The following FRK variants were observed in gnomAD, a reference collection of about 807,000 sequenced individuals.
The protein encoded by FRK is fyn related Src family tyrosine kinase.
A neutral mutation model predicts 56.4 loss-of-function variants in FRK; 51 were observed. The observed-to-expected ratio is 0.90, with a 90% CI of 0.72 to 1.14. The LOEUF (loss-of-function observed/expected upper bound fraction) is 1.14, where lower values mean the gene tolerates loss of function less well. FRK is among the 50% of genes most tolerant of loss of function. The probability of loss-of-function intolerance (pLI) is 0.00; values close to 1 mark genes in which losing one functional copy is unlikely to be tolerated. For missense variants in FRK, 570 were observed against 601.4 expected, an observed-to-expected ratio of 0.95 and a Z score of 0.55; for synonymous variants, 245 against 217.9, an observed-to-expected ratio of 1.12 and a Z score of -1.10.
chr6:116,089,040 G>C, the FRK span, among the ~76,000 whole-genome samples: 2 of 152,146 alleles, frequency 1.3e-5, no homozygotes, highest in East Asian at 3.9e-4. Context: ...TGAGGCAAAA[G>C]AGGAAAGGAC....
At chr6:115,962,062 A>G (rs893089782) in intron 4 of FRK, among the ~76,000 whole-genome samples, 3 of 142,388 alleles carry the variant, frequency 2.1e-5, no homozygotes, top group African/African-American at 8.1e-5. Flanking sequence ...CTTTAAATAT[A>G]AATGGAGTAA....
intron 2 of FRK, 90 bp from the exon 3 acceptor site, chr6:115,968,829 T>G: frequency 1.9e-6 from 2 of 1,066,312 alleles, no homozygotes; most frequent in Non-Finnish European, 2.8e-6. Flanking sequence ...ATGCATAAAA[T>G]GAAATCTATA....
chr6:116,075,191 C>G, the FRK span, among the ~76,000 whole-genome samples: 2 of 152,100 alleles, frequency 1.3e-5, no homozygotes, highest in African/African-American at 4.8e-5. Context: ...TGAACAGATT[C>G]TATGCTAGGT....
chr6:116,023,635 G>A (rs984219551), intron 1 of FRK, among the ~76,000 whole-genome samples: 2 of 152,152 alleles, frequency 1.3e-5, no homozygotes, highest in African/African-American at 4.8e-5. Flanking sequence ...TATCTGGAAA[G>A]GGATATGGAA....
At chr6:116,054,136 A>G (rs1777285343) in intron 1 of FRK, among the ~76,000 whole-genome samples, 1 of 151,670 alleles carries the variant, frequency 6.6e-6, no homozygotes. Context: ...CATAAACAGT[A>G]CAATTATATT....
intron 2 of FRK, among the ~76,000 whole-genome samples, chr6:115,991,926 T>G (rs1198578947): frequency 6.6e-6 from 1 of 151,636 alleles, no homozygotes; most frequent in Admixed American, 6.6e-5. Context: ...GGTGGTAGAT[T>G]TTTTTATTAC....
At chr6:116,041,677 C>A (rs554529905) in intron 1 of FRK, among the ~76,000 whole-genome samples, 1 of 152,230 alleles carries the variant, frequency 6.6e-6, no homozygotes. Context: ...CAAGGGAAGC[C>A]GTAAGGGACT....
At chr6:116,062,289 G>A (rs1777653883), upstream of FRK, among the ~76,000 whole-genome samples, 1 of 151,902 alleles carries the variant, frequency 6.6e-6, no homozygotes, top group African/African-American at 2.4e-5. Context: ...AAAATAGACT[G>A]TATATGTAAT....
chr6:115,982,167 T>C (rs1774221654), intron 2 of FRK, among the ~76,000 whole-genome samples: 1 of 152,130 alleles, frequency 6.6e-6, no homozygotes, highest in Non-Finnish European at 1.5e-5. Context: ...AAAGGTAGGA[T>C]GGGCAACTTC....
At chr6:115,958,551 C>T (rs983410907) in intron 4 of FRK, among the ~76,000 whole-genome samples, 1 of 150,914 alleles carries the variant, frequency 6.6e-6, no homozygotes, top group African/African-American at 2.4e-5. Flanking sequence ...TCACTTGAAC[C>T]CAGGAGGTGG....
At chr6:116,065,541 A>G (rs1286884008), upstream of FRK, among the ~76,000 whole-genome samples, 1 of 152,134 alleles carries the variant, frequency 6.6e-6, no homozygotes, top group African/African-American at 2.4e-5. Flanking sequence ...CCCTTTTCCT[A>G]CATTAACCAT....
At chr6:116,032,540 CAT>C (rs773850840) in intron 1 of FRK, among the ~76,000 whole-genome samples, 14 of 152,216 alleles carry the variant, frequency 9.2e-5, no homozygotes, top group South Asian at 8.3e-4. Flanking sequence ...CTTTAACAAA[CAT>C]GTGGTGTATT....
chr6:116,019,191 G>A (rs1775769574), intron 1 of FRK, among the ~76,000 whole-genome samples: 1 of 152,094 alleles, frequency 6.6e-6, no homozygotes, highest in Admixed American at 6.5e-5. Flanking sequence ...CATTACACAT[G>A]TAAGCTCAAG....
chr6:116,051,800 GT>G (rs1463669937), intron 1 of FRK, among the ~76,000 whole-genome samples: 1 of 152,054 alleles, frequency 6.6e-6, no homozygotes, highest in African/African-American at 2.4e-5. Flanking sequence ...GAGAAAACTA[GT>G]AAAAAGAAGA....
In FRK at chr6:115,968,749, A is replaced by AGTTTTAGTTTAT. The variant is rs1773690188; in HGVS notation, c.467-11_467-10insATAAACTAAAAC. 2 of 1,607,484 alleles carry AGTTTTAGTTTAT rather than the reference A, an allele frequency of 1.2e-6. No individual in the cohort carries two copies. The highest frequency in any genetic ancestry group is 1.7e-6 in the Non-Finnish European group (2 of 1,176,816). ...ACTGCTCCATCTAAAACTGGAACCC[A>AGTTTTAGTTTAT]AAATAATTCCTGTTAATAAACTTCT... On this transcript the variant is annotated splice_polypyrimidine_tract_variant and intron_variant, in intron 2 of 7. Transcript: ENST00000606080.
At chr6:116,008,849 C>T (rs148183308) in intron 1 of FRK, among the ~76,000 whole-genome samples, 15 of 152,224 alleles carry the variant, frequency 9.9e-5, no homozygotes, top group African/African-American at 2.9e-4. Flanking sequence ...GAGAGTCATA[C>T]GGATCAGTGA....
chr6:116,025,228 T>C (rs1776044199), intron 1 of FRK, among the ~76,000 whole-genome samples: 1 of 152,150 alleles, frequency 6.6e-6, no homozygotes, highest in Admixed American at 6.6e-5. Flanking sequence ...GGTGTAGACA[T>C]AGCCACACAT....
intron 1 of FRK, among the ~76,000 whole-genome samples, chr6:116,005,984 A>C (rs934210288): frequency 6.6e-5 from 10 of 152,206 alleles, no homozygotes; most frequent in East Asian, 5.8e-4. Flanking sequence ...ACAAAAACAA[A>C]AAGACATACA....
At chr6:115,994,346 T>G (rs1774753354) in intron 2 of FRK, among the ~76,000 whole-genome samples, 1 of 134,416 alleles carries the variant, frequency 7.4e-6, no homozygotes, top group African/African-American at 2.7e-5. Context: ...GCCTTTTTTT[T>G]GTCATTATAC....
Sources: allele counts gnomAD v4.1 joint callset (sites outside exome capture counted in the v4.1 genomes callset), GRCh38; gene constraint gnomAD v4.1.1; transcripts MANE v1.5; gene names NCBI Gene and HGNC (gene_info 2026-07-23, HGNC 2026-07-21).